Variants in EIF5B observed in about 807,000 individuals in gnomAD.
EIF5B encodes eIF-5B.
A neutral mutation model predicts 147.5 loss-of-function variants in EIF5B; 47 were observed. The ratio of observed to expected loss-of-function variants is 0.32; its 90% CI spans 0.25 to 0.41. The LOEUF (loss-of-function observed/expected upper bound fraction) is 0.41, where lower values mean the gene tolerates loss of function less well. EIF5B is among the 10% of genes least tolerant of loss of function. EIF5B has a pLI of 1.00. For missense variants in EIF5B, 1,064 were observed against 1,413.2 expected, an observed-to-expected ratio of 0.75 and a Z score of 3.96; for synonymous variants, 455 against 456.2, an observed-to-expected ratio of 1.00 and a Z score of 0.03.
At chr2:99,382,355 C>A in intron 13 of EIF5B, 129 bp downstream of exon 13, 1 of 680,278 alleles carries the variant, frequency 1.5e-6, no homozygotes, top group South Asian at 2.2e-5. Flanking sequence ...CTTTGTACCT[C>A]ATTGATTTAG....
In EIF5B at chr2:99,394,273, T is replaced by C; in HGVS notation, c.2887T>C (p.Leu963=). The C allele has an allele frequency of 1.2e-6, 2 of 1,607,790 alleles. No homozygotes were observed. The highest frequency in any genetic ancestry group is 8.5e-7 in the Non-Finnish European group (1 of 1,178,378). ...AATCTGATTTCTTTTCAAGGATGAA[T>C]TGATCCATGAGTTAAAGCAGACACT... ...EDEIPVLKDE[L]IHELKQTLNA... Residue 963 remains leucine, a synonymous_variant, in exon 19 of 24, where the codon TTG becomes CTG. Coordinates refer to ENST00000289371, the MANE Select transcript of EIF5B (RefSeq NM_015904.4).
At chr2:99,353,477 T>C (rs1574921304) in intron 1 of EIF5B, among the ~76,000 whole-genome samples, 1 of 152,236 alleles carries the variant, frequency 6.6e-6, no homozygotes, top group Non-Finnish European at 1.5e-5. Flanking sequence ...GATAATGACA[T>C]TGATACAATC....
At chr2:99,373,787 T>C (rs1476495606) in intron 9 of EIF5B, among the ~76,000 whole-genome samples, 1 of 152,244 alleles carries the variant, frequency 6.6e-6, no homozygotes, top group African/African-American at 2.4e-5. Context: ...TTCTCTCCTT[T>C]CTAATCATCT....
intron 21 of EIF5B, among the ~76,000 whole-genome samples, chr2:99,396,114 G>A (rs977976469): frequency 6.6e-6 from 1 of 152,106 alleles, no homozygotes; most frequent in Non-Finnish European, 1.5e-5. Context: ...GCGTAGTTTG[G>A]GATACATTTT....
intron 17 of EIF5B, 47 bp downstream of exon 17, chr2:99,390,752 T>G: frequency 6.5e-7 from 1 of 1,539,898 alleles, no homozygotes; most frequent in Non-Finnish European, 8.8e-7. Context: ...TGTACAGTGT[T>G]TAGAAGTTCT....
At chr2:99,387,690 T>C (rs771592017) in intron 14 of EIF5B, among the ~76,000 whole-genome samples, 1 of 152,318 alleles carries the variant, frequency 6.6e-6, no homozygotes, top group Non-Finnish European at 1.5e-5. Flanking sequence ...CAAAAAGCCT[T>C]TTAGGATTTT....
intron 1 of EIF5B, among the ~76,000 whole-genome samples, chr2:99,355,097 C>G (rs547716369): frequency 3.9e-4 from 60 of 152,266 alleles, no homozygotes; most frequent in African/African-American, 1.4e-3. Context: ...GTCACTGCGC[C>G]TGGGCCTAAA....
chr2:99,386,670 G>C (rs920920280), intron 14 of EIF5B, among the ~76,000 whole-genome samples: 3 of 150,770 alleles, frequency 2.0e-5, no homozygotes, highest in African/African-American at 7.3e-5. Context: ...TGGGATTACA[G>C]GCATGCACCA....
Position 99,400,138 on chromosome 2 carries a change from T to TATC in EIF5B, c.*725_*727dup, listed in dbSNP as rs559933057. On this transcript the variant is annotated 3_prime_UTR_variant, in exon 24 of 24. Transcript: ENST00000289371. ...CAAGTTGTCCTCCTAGGACAAGAAT[T>TATC]ATCTTACAAACTAAACTATCATCAC... 3.4e-4 allele frequency: 52 copies of TATC among 152,254 alleles called. No homozygotes were observed. The highest frequency in any genetic ancestry group is 1.1e-3 in the African/African-American group (46 of 41,462). 9.4% of individuals were successfully genotyped at this position (152,254 alleles called of 1,614,324 possible).
In EIF5B at chr2:99,401,095, C is replaced by A. The variant is rs1675326474; in HGVS notation, c.*1681C>A. 4.0e-6 allele frequency: 2 copies of A among 497,118 alleles called. No individual in the cohort carries two copies. Among genetic ancestry groups the A allele is most frequent in the South Asian group, 7.3e-5 (2 of 27,536 alleles). The allele number at this position is 497,118 out of a possible 1,614,324, so 30.8% of individuals were successfully genotyped here. A position where few individuals can be genotyped will look rare whatever the true frequency, so the allele number is the denominator to read the frequency against. The stretch of plus-strand genomic sequence containing the variant: ...ACATGCAATACTGACAAATTTGGCA[C>A]TTTTTGAAAAGAAATGTACAAAACA... On this transcript the variant is annotated 3_prime_UTR_variant, in exon 24 of 24. Coordinates refer to ENST00000289371, the MANE Select transcript of EIF5B (RefSeq NM_015904.4).
At chr2:99,388,397 C>T (rs994936207) in intron 14 of EIF5B, among the ~76,000 whole-genome samples, 39 of 151,640 alleles carry the variant, frequency 2.6e-4, no homozygotes, top group African/African-American at 9.5e-4. Context: ...GTCTTTCACC[C>T]TTAAGTATGA....
intron 1 of EIF5B, among the ~76,000 whole-genome samples, chr2:99,346,589 CTT>C (rs773411395): frequency 0.01 from 637 of 61,566 alleles, 1 homozygote; most frequent in African/African-American, 0.042. Flanking sequence ...AGTTGTATCT[CTT>C]TTTTTTTTTT....
intron 10 of EIF5B, among the ~76,000 whole-genome samples, chr2:99,377,227 T>C (rs1234359118): frequency 6.6e-6 from 1 of 152,144 alleles, no homozygotes; most frequent in Non-Finnish European, 1.5e-5. Context: ...TATTTTAGCT[T>C]TCCTTTTTGT....
At chr2:99,392,696 G>A (rs1390951434) in intron 17 of EIF5B, among the ~76,000 whole-genome samples, 1 of 151,978 alleles carries the variant, frequency 6.6e-6, no homozygotes, top group African/African-American at 2.4e-5. Flanking sequence ...CTTTCTTACA[G>A]ATTTATATGC....
Position 99,382,940 on chromosome 2 carries a change from A to T in EIF5B, c.2271+19A>T, listed in dbSNP as rs1574936599. Reference sequence around the variant, plus strand: ...CAATAAGGTATGTGCGCCTTCTGAAAAATTAACCTAGGAAAACATGTTTCT... The same window carrying T: ...CAATAAGGTATGTGCGCCTTCTGAATAATTAACCTAGGAAAACATGTTTCT... On this transcript the variant is annotated intron_variant, in intron 14 of 23. Transcript: ENST00000289371. 1 of 1,549,866 alleles carries T rather than the reference A, an allele frequency of 6.5e-7. No individual in the cohort carries two copies. The highest frequency in any genetic ancestry group is 8.7e-7 in the Non-Finnish European group (1 of 1,153,338).
intron 14 of EIF5B, 87 bp from the exon 15 acceptor site, chr2:99,389,631 C>T (rs896275903): frequency 7.7e-7 from 1 of 1,296,706 alleles, no homozygotes; most frequent in African/African-American, 1.5e-5. Context: ...ATATGAGACA[C>T]ACATGAGGAA....
intron 1 of EIF5B, among the ~76,000 whole-genome samples, chr2:99,342,061 C>G (rs1326810769): frequency 6.6e-6 from 1 of 152,100 alleles, no homozygotes; most frequent in Non-Finnish European, 1.5e-5. Flanking sequence ...GACTGCTGGC[C>G]TAGGGATTTC....
chr2:99,388,768 G>A (rs1674863330), intron 14 of EIF5B, among the ~76,000 whole-genome samples: 1 of 152,126 alleles, frequency 6.6e-6, no homozygotes, highest in African/African-American at 2.4e-5. Context: ...ATATGAGTAT[G>A]TAGTTTTCTT....
intron 14 of EIF5B, among the ~76,000 whole-genome samples, chr2:99,386,440 G>T (rs1365941305): frequency 6.7e-6 from 1 of 148,846 alleles, no homozygotes; most frequent in Non-Finnish European, 1.5e-5. Context: ...TCTGGGACTT[G>T]GTTTTTCATT....
Sources: allele counts gnomAD v4.1 joint callset (sites outside exome capture counted in the v4.1 genomes callset), GRCh38; gene constraint gnomAD v4.1.1; transcripts MANE v1.5; gene names NCBI Gene and HGNC (gene_info 2026-07-23, HGNC 2026-07-21).